SLC9A9: variants seen among roughly 807,000 people sequenced by gnomAD.
SLC9A9 encodes sodium/hydrogen exchanger 9.
In SLC9A9, 62 loss-of-function variants were observed where a neutral mutation model predicts 77.8. The observed-to-expected ratio is 0.80, with a 90% CI of 0.65 to 0.98. SLC9A9 has a LOEUF of 0.98. Among genes scored for constraint, SLC9A9 ranks in the 50% least tolerant of loss-of-function variants. The pLI is 0.00. For missense variants in SLC9A9, 775 were observed against 774.9 expected, an observed-to-expected ratio of 1.00 and a Z score of 0.00; for synonymous variants, 320 against 283.5, an observed-to-expected ratio of 1.13 and a Z score of -1.29.
chr3:143,287,607 C>T (rs1261961056), intron 14 of SLC9A9, among the ~76,000 whole-genome samples: 2 of 152,144 alleles, frequency 1.3e-5, no homozygotes, highest in African/African-American at 4.8e-5. Flanking sequence ...AAGGAGCTGA[C>T]TATATAACTG....
At chr3:143,804,241 A>G (rs2008648279) in intron 2 of SLC9A9, among the ~76,000 whole-genome samples, 1 of 152,186 alleles carries the variant, frequency 6.6e-6, no homozygotes, top group Non-Finnish European at 1.5e-5. Flanking sequence ...CATTAGCAGT[A>G]ATTATTGCTT....
chr3:143,578,663 G>C lies in SLC9A9; in HGVS notation c.816C>G (p.Phe272Leu). The change falls in exon 7 of 16, where the codon TTC becomes TTG. Residue 272 changes from phenylalanine to leucine, a missense_variant. Physicochemically the swap from Phe to Leu is conservative, Grantham distance 22. Transcript: ENST00000316549. Reference sequence around the variant, plus strand: ...TTCCCAGGAAATTCCCCACAGACTGGAAGAATGCTGCGGCATCAAATGCAT... The same window carrying C: ...TTCCCAGGAAATTCCCCACAGACTGCAAGAATGCTGCGGCATCAAATGCAT... ...NPNAFDAAAF[F>L]QSVGNFLGIF... 6.2e-7 allele frequency: 1 copy of C among 1,614,090 alleles called. No homozygotes were observed. Among genetic ancestry groups the C allele is most frequent in the Non-Finnish European group, 8.5e-7 (1 of 1,179,958 alleles).
At chr3:143,729,250 T>C (rs550757565) in intron 4 of SLC9A9, among the ~76,000 whole-genome samples, 1 of 152,222 alleles carries the variant, frequency 6.6e-6, no homozygotes, top group African/African-American at 2.4e-5. Context: ...ATCACTGTGT[T>C]GGCCCTGGAA....
intron 4 of SLC9A9, among the ~76,000 whole-genome samples, chr3:143,711,552 A>G (rs6769446): frequency 0.35 from 52,687 of 150,556 alleles, 9,767 homozygotes; most frequent in East Asian, 0.64. Flanking sequence ...GGTGAGTGCC[A>G]CCACACCTGG....
chr3:143,402,762 GT>G (rs59074397), intron 12 of SLC9A9, among the ~76,000 whole-genome samples: 25 of 138,830 alleles, frequency 1.8e-4, no homozygotes, highest in East Asian at 6.6e-4. Context: ...GGTGAAATTA[GT>G]TTTTTTTTTT....
Position 143,265,555 on chromosome 3 carries a change from A to T in SLC9A9, c.*1147T>A. On this transcript the variant is annotated 3_prime_UTR_variant, in exon 16 of 16. Coordinates refer to ENST00000316549, the MANE Select transcript of SLC9A9 (RefSeq NM_173653.4). ...CCTAGGCCTGGAGCCTATTTTTTCG[A>T]GTCTAATATGAACATCTGGATTTCA... is the stretch of plus-strand genomic sequence containing the variant. The T allele has an allele frequency of 4.3e-6, 1 of 231,358 alleles. No individual in the cohort carries two copies. The highest frequency in any genetic ancestry group is 8.3e-6 in the Non-Finnish European group (1 of 120,110). The allele number at this position is 231,358 out of a possible 1,614,324, so 14.3% of individuals were successfully genotyped here.
chr3:143,723,452 G>A (rs980173578), intron 4 of SLC9A9, among the ~76,000 whole-genome samples: 1 of 151,950 alleles, frequency 6.6e-6, no homozygotes, highest in Non-Finnish European at 1.5e-5. Flanking sequence ...CTCTAAACCT[G>A]GTATACACAT....
At chr3:143,335,087 G>T (rs903138150) in intron 14 of SLC9A9, among the ~76,000 whole-genome samples, 4 of 151,894 alleles carry the variant, frequency 2.6e-5, no homozygotes, top group Non-Finnish European at 5.9e-5. Flanking sequence ...GCTAATAAAG[G>T]AATTCAGAAA....
At chr3:143,558,932 C>A (rs58563413) in intron 8 of SLC9A9, among the ~76,000 whole-genome samples, 19,753 of 152,068 alleles carry the variant, frequency 0.13, 1,633 homozygotes, top group African/African-American at 0.22. Context: ...TTCCCATAAT[C>A]CCCATGTGTC....
chr3:143,669,446 G>T (rs888334289), intron 5 of SLC9A9, among the ~76,000 whole-genome samples: 2 of 152,188 alleles, frequency 1.3e-5, no homozygotes, highest in Non-Finnish European at 2.9e-5. Context: ...CTGTTGAACT[G>T]CTTCAAACGG....
chr3:143,511,388 C>G (rs2036113337), intron 9 of SLC9A9, among the ~76,000 whole-genome samples: 1 of 152,210 alleles, frequency 6.6e-6, no homozygotes, highest in Non-Finnish European at 1.5e-5. Flanking sequence ...CTCAGTTATG[C>G]AGTCCCTCCA....
At chr3:143,812,329 G>GA (rs1215461477) in intron 2 of SLC9A9, among the ~76,000 whole-genome samples, 9 of 152,086 alleles carry the variant, frequency 5.9e-5, no homozygotes, top group African/African-American at 9.7e-5. Context: ...TGAAATAATA[G>GA]AAAAAACAAA....
chr3:143,491,003 G>A (rs2035734715), intron 11 of SLC9A9, among the ~76,000 whole-genome samples: 1 of 152,120 alleles, frequency 6.6e-6, no homozygotes, highest in South Asian at 2.1e-4. Context: ...TCATTTCAAT[G>A]TGAAAAGTGT....
intron 12 of SLC9A9, among the ~76,000 whole-genome samples, chr3:143,455,080 AT>A (rs1464743766): frequency 6.6e-6 from 1 of 152,230 alleles, no homozygotes; most frequent in East Asian, 1.9e-4. Flanking sequence ...AGTCATGTGT[AT>A]CAGGATGGGG....
chr3:143,773,488 CTTT>C (rs869188697), intron 4 of SLC9A9, among the ~76,000 whole-genome samples: 1 of 141,498 alleles, frequency 7.1e-6, no homozygotes, highest in Admixed American at 7.1e-5. Flanking sequence ...TTTACTTTTT[CTTT>C]TTTTTTTTTT....
chr3:143,822,054 G>A (rs1248667228), intron 2 of SLC9A9, among the ~76,000 whole-genome samples: 1 of 152,190 alleles, frequency 6.6e-6, no homozygotes, highest in Non-Finnish European at 1.5e-5. Flanking sequence ...ACTTTCCAGA[G>A]TGACCCACAT....
intron 6 of SLC9A9, among the ~76,000 whole-genome samples, 182 bp from the exon 7 acceptor site, chr3:143,578,905 A>G (rs1376645065): frequency 2.0e-5 from 3 of 152,182 alleles, no homozygotes; most frequent in South Asian, 2.1e-4. Flanking sequence ...CTGCTTCCTT[A>G]TAGCCCCATC....
intron 13 of SLC9A9, among the ~76,000 whole-genome samples, chr3:143,364,600 A>G (rs2032848592): frequency 6.6e-6 from 1 of 152,160 alleles, no homozygotes; most frequent in Admixed American, 6.5e-5. Flanking sequence ...AGCCAGTTCC[A>G]TCATTGGTTA....
chr3:143,293,826 T>C (rs1338086136), intron 14 of SLC9A9, among the ~76,000 whole-genome samples: 1 of 152,220 alleles, frequency 6.6e-6, no homozygotes, highest in Non-Finnish European at 1.5e-5. Context: ...TTACTAATAC[T>C]GAAGAATCCC....
Sources: gnomAD v4.1 joint callset for allele counts (sites outside exome capture counted in the v4.1 genomes callset) on GRCh38, gnomAD v4.1.1 for gene constraint, MANE v1.5 for transcripts, NCBI Gene and HGNC (gene_info 2026-07-23, HGNC 2026-07-21) for gene names.